PRKG1: variants seen among roughly 807,000 people sequenced by gnomAD.
The protein encoded by PRKG1 is cGMP-dependent protein kinase 1.
A neutral mutation model predicts 88.1 loss-of-function variants in PRKG1; 35 were observed. The observed-to-expected ratio is 0.40, with a 90% CI of 0.30 to 0.53. PRKG1 has a LOEUF of 0.53. Among genes scored for constraint, PRKG1 ranks in the 20% least tolerant of loss-of-function variants. PRKG1 has a pLI of 0.59. For synonymous variants in PRKG1, 303 were observed against 292.5 expected, an observed-to-expected ratio of 1.04 and a Z score of -0.37; for missense variants, 540 against 839.8, an observed-to-expected ratio of 0.64 and a Z score of 4.41.
chr10:51,026,499 T>C (rs1029533489), intron 1 of PRKG1, among the ~76,000 whole-genome samples: 1 of 152,160 alleles, frequency 6.6e-6, no homozygotes, highest in East Asian at 1.9e-4. Context: ...CACTTTAGAA[T>C]GCAAGGGTTC....
chr10:51,930,085 C>T (rs1042011469), intron 5 of PRKG1, among the ~76,000 whole-genome samples: 8 of 152,170 alleles, frequency 5.3e-5, no homozygotes. Flanking sequence ...GAATTTCCTT[C>T]CTTCTAAGGC....
intron 3 of PRKG1, among the ~76,000 whole-genome samples, chr10:51,527,840 G>A (rs1013518362): frequency 4.6e-5 from 7 of 151,986 alleles, no homozygotes; most frequent in African/African-American, 9.7e-5. Context: ...AACAACTCCC[G>A]GCAAATATCT....
At chr10:51,284,867 T>TTA (rs1291073166) in intron 2 of PRKG1, among the ~76,000 whole-genome samples, 1,350 of 111,484 alleles carry the variant, frequency 0.012, 8 homozygotes, top group Non-Finnish European at 0.018. Flanking sequence ...TGTGGGTACT[T>TTA]TTTTTTTTTT....
intron 3 of PRKG1, among the ~76,000 whole-genome samples, chr10:51,688,444 A>C (rs1265104952): frequency 6.6e-6 from 1 of 152,182 alleles, no homozygotes; most frequent in Admixed American, 6.5e-5. Context: ...AAGGGAGACA[A>C]CTATGGCAGC....
At chr10:51,745,345 A>G (rs1283213902) in intron 3 of PRKG1, among the ~76,000 whole-genome samples, 2 of 152,022 alleles carry the variant, frequency 1.3e-5, no homozygotes, top group African/African-American at 4.8e-5. Context: ...TTTTTAGAGC[A>G]GTTTTAGGTT....
Position 51,074,908 on chromosome 10 carries a change from A to G in PRKG1, c.311+7A>G. On this transcript the variant is annotated splice_region_variant and intron_variant, in intron 1 of 17. Transcript: ENST00000373980. ...TCTACCCCAAGAGCCCACAGTAAGCAGGGGTGACGCGCCGGGTCCATGTGG... is the reference window on the plus strand; with the variant it reads ...TCTACCCCAAGAGCCCACAGTAAGCGGGGGTGACGCGCCGGGTCCATGTGG... 1 of 1,592,024 alleles carries G rather than the reference A, an allele frequency of 6.3e-7. No individual in the cohort carries two copies. Among genetic ancestry groups the G allele is most frequent in the Middle Eastern group, 1.7e-4 (1 of 5,984 alleles).
At chr10:52,001,228 T>C (rs1844587443) in intron 5 of PRKG1, among the ~76,000 whole-genome samples, 1 of 151,994 alleles carries the variant, frequency 6.6e-6, no homozygotes, top group South Asian at 2.1e-4. Flanking sequence ...AACTTTTCTT[T>C]ACCCATTCAT....
intron 9 of PRKG1, among the ~76,000 whole-genome samples, chr10:52,214,410 C>T (rs755212620): frequency 3.9e-5 from 6 of 152,112 alleles, no homozygotes; most frequent in Non-Finnish European, 7.4e-5. Context: ...TTTGATATCA[C>T]ACATACAGTG....
At chr10:51,564,637 G>GT (rs1383986430) in intron 3 of PRKG1, among the ~76,000 whole-genome samples, 1 of 152,024 alleles carries the variant, frequency 6.6e-6, no homozygotes. Flanking sequence ...GATATTAAGT[G>GT]TTTTTCCGTA....
At chr10:51,115,555 G>A (rs1234891333) in intron 1 of PRKG1, among the ~76,000 whole-genome samples, 1 of 149,822 alleles carries the variant, frequency 6.7e-6, no homozygotes, top group African/African-American at 2.4e-5. Context: ...TGATAAAGAA[G>A]AAGGCTGGGT....
intron 9 of PRKG1, among the ~76,000 whole-genome samples, chr10:52,186,805 A>G (rs2132743010): frequency 6.6e-6 from 1 of 152,258 alleles, no homozygotes; most frequent in Admixed American, 6.5e-5. Flanking sequence ...ATTTGGGAAA[A>G]CAACACTAAA....
At chr10:51,044,321 C>T (rs898955390) in intron 1 of PRKG1, among the ~76,000 whole-genome samples, 2 of 151,970 alleles carry the variant, frequency 1.3e-5, no homozygotes, top group Admixed American at 6.6e-5. Context: ...CTTGCTTTCA[C>T]GGAAGAGTTT....
At chr10:52,074,255 A>G (rs1405117926) in intron 7 of PRKG1, among the ~76,000 whole-genome samples, 1 of 152,162 alleles carries the variant, frequency 6.6e-6, no homozygotes, top group East Asian at 1.9e-4. Flanking sequence ...TTGAAAGAGG[A>G]CTTTTCTTCT....
intron 2 of PRKG1, among the ~76,000 whole-genome samples, chr10:51,210,196 A>G (rs1184379336): frequency 6.6e-6 from 1 of 152,206 alleles, no homozygotes; most frequent in East Asian, 1.9e-4. Flanking sequence ...GAAACTGAAC[A>G]ACCTGCTCCT....
At chr10:51,481,982 T>C (rs1390160840) in intron 3 of PRKG1, among the ~76,000 whole-genome samples, 2 of 152,214 alleles carry the variant, frequency 1.3e-5, no homozygotes, top group Non-Finnish European at 2.9e-5. Context: ...TTCTGTTGTA[T>C]AACTTGAAGG....
At chr10:51,895,962 T>A (rs1841834709) in intron 4 of PRKG1, among the ~76,000 whole-genome samples, 1 of 152,074 alleles carries the variant, frequency 6.6e-6, no homozygotes, top group South Asian at 2.1e-4. Context: ...GCCATTGGAC[T>A]CCAAGGGCCC....
intron 2 of PRKG1, among the ~76,000 whole-genome samples, chr10:51,369,213 A>C (rs1450638830): frequency 6.6e-6 from 1 of 151,848 alleles, no homozygotes; most frequent in Non-Finnish European, 1.5e-5. Context: ...GGCTTCTATA[A>C]GAAGAATACC....
intron 5 of PRKG1, among the ~76,000 whole-genome samples, chr10:51,917,860 C>A (rs1298210104): frequency 6.6e-6 from 1 of 152,080 alleles, no homozygotes; most frequent in Non-Finnish European, 1.5e-5. Flanking sequence ...TCAATTTAGC[C>A]ATCATTACAT....
intron 3 of PRKG1, among the ~76,000 whole-genome samples, chr10:51,604,198 A>G (rs1187829121): frequency 6.6e-6 from 1 of 151,686 alleles, no homozygotes; most frequent in African/African-American, 2.4e-5. Flanking sequence ...AGGTATTCCA[A>G]GCCTTTAAAA....
Sources: allele counts gnomAD v4.1 joint callset (sites outside exome capture counted in the v4.1 genomes callset), GRCh38; gene constraint gnomAD v4.1.1; transcripts MANE v1.5; gene names NCBI Gene and HGNC (gene_info 2026-07-23, HGNC 2026-07-21).